ANKRD18B: variants seen among roughly 807,000 people sequenced by gnomAD.
ANKRD18B encodes the protein ankyrin repeat domain-containing protein 18B.
A neutral mutation model predicts 111.8 loss-of-function variants in ANKRD18B; 75 were observed. The ratio of observed to expected loss-of-function variants is 0.67; its 90% CI spans 0.56 to 0.81. The LOEUF is 0.81. ANKRD18B is among the 40% of genes least tolerant of loss of function. The probability of loss-of-function intolerance (pLI) is 0.00; values close to 1 mark genes in which losing one functional copy is unlikely to be tolerated. For synonymous variants in ANKRD18B, 356 were observed against 417.3 expected (o/e 0.85, Z 1.79); for missense variants, 1,038 against 1,225.5 (o/e 0.85, Z 2.28).
In ANKRD18B at chr9:33,548,769, G is replaced by C. The variant is rs1828404306; in HGVS notation, c.1981G>C (p.Glu661Gln). The change falls in exon 11 of 19, where the codon GAA becomes CAA. Residue 661 changes from glutamate to glutamine, a missense_variant. By Grantham distance (29) the Glu-to-Gln change is conservative. This residue lies in a region of ANKRD18B where 524 missense variants were observed against 677.9 expected (regional missense o/e 0.77). Coordinates refer to ENST00000684830, the MANE Select transcript of ANKRD18B (RefSeq NM_001393611.1). ...TGAGAATGGAAAGGAAGATCTTCTAGAAGAAAGAAATAAGGAATTAATGAA... is the reference window on the plus strand; with the variant it reads ...TGAGAATGGAAAGGAAGATCTTCTACAAGAAAGAAATAAGGAATTAATGAA... Reference protein sequence around the residue: ...CLENGKEDLLEERNKELMNEY... With the variant: ...CLENGKEDLLQERNKELMNEY... The C allele has an allele frequency of 6.5e-7, 1 of 1,548,496 alleles. No homozygotes were observed.
intron 3 of ANKRD18B, 134 bp downstream of exon 3, chr9:33,529,307 A>T: frequency 7.6e-7 from 1 of 1,307,334 alleles, no homozygotes; most frequent in Admixed American, 3.0e-5. Flanking sequence ...CTAAAATTTT[A>T]CTTTAAATGT....
rs552521621 is a variant in ANKRD18B at position 33,527,370 on chromosome 9, G to A, written c.207-1357G>A. ...AGAGTCTCACTCTGTCGCCTAGGCT[G>A]GAGTGCAGTGGCGTGATCTCAGCTC... On this transcript the variant is annotated intron_variant, in intron 1 of 18. Coordinates refer to ENST00000684830, the MANE Select transcript of ANKRD18B (RefSeq NM_001393611.1). 9.2e-5 allele frequency among the ~76,000 whole-genome samples: 14 copies of A among 152,064 alleles called. No homozygotes were observed. The East Asian group carries it at 2.7e-3, about 29-fold the overall frequency.
chr9:33,560,625 G>T (rs764927883), intron 14 of ANKRD18B, among the ~76,000 whole-genome samples: 1 of 152,188 alleles, frequency 6.6e-6, no homozygotes, highest in Non-Finnish European at 1.5e-5. Context: ...TTCATGAGGT[G>T]ATGGACCTTT....
intron 7 of ANKRD18B, among the ~76,000 whole-genome samples, chr9:33,539,738 C>G (rs1020924060): frequency 6.6e-6 from 1 of 151,916 alleles, no homozygotes; most frequent in Non-Finnish European, 1.5e-5. Context: ...AGATCTTATC[C>G]TGTAGGCCAG....
intron 9 of ANKRD18B, 32 bp downstream of exon 9, chr9:33,541,259 A>G (rs1828275414): frequency 3.9e-6 from 6 of 1,527,146 alleles, no homozygotes; most frequent in Admixed American, 2.2e-5. Context: ...ACTCTTAACC[A>G]TGTAAAGAGA....
intron 10 of ANKRD18B, among the ~76,000 whole-genome samples, chr9:33,545,762 A>C (rs1464348991): frequency 6.6e-6 from 1 of 152,190 alleles, no homozygotes; most frequent in African/African-American, 2.4e-5. Flanking sequence ...AGAGTTCCTG[A>C]CTTTGAAGAA....
chr9:33,524,272 G>C lies in ANKRD18B; in HGVS notation c.-218G>C. The C allele has an allele frequency of 5.7e-6, 7 of 1,237,760 alleles. No homozygotes were observed. The highest frequency in any genetic ancestry group is 7.3e-6 in the Non-Finnish European group (7 of 962,332). 76.7% of individuals were successfully genotyped at this position (1,237,760 alleles called of 1,614,324 possible). On this transcript the variant is annotated 5_prime_UTR_variant, in exon 1 of 19. Transcript: ENST00000684830. ...CTTTACTGGGCTCACTCTATCGAGA[G>C]GTCGGAGGCTGCGAGTGTCGCTGCT...
intron 14 of ANKRD18B, among the ~76,000 whole-genome samples, chr9:33,560,253 T>C (rs1446708774): frequency 6.6e-6 from 1 of 151,874 alleles, no homozygotes; most frequent in Non-Finnish European, 1.5e-5. Flanking sequence ...AAGAGAGGGG[T>C]CCTGCAAACA....
chr9:33,572,541 A>G lies in ANKRD18B; in HGVS notation c.*107A>G, dbSNP rs1828796702. 7.4e-7 allele frequency: 1 copy of G among 1,350,162 alleles called. No homozygotes were observed. Among genetic ancestry groups the G allele is most frequent in the Non-Finnish European group, 9.6e-7 (1 of 1,041,000 alleles). 83.6% of individuals were successfully genotyped at this position (1,350,162 alleles called of 1,614,324 possible). On this transcript the variant is annotated 3_prime_UTR_variant, in exon 19 of 19. Transcript: ENST00000684830. ...CTAAAGTAGAATATTTTCATATCATATGATGTATATTTATATGTTATTTTA... is the reference window on the plus strand; with the variant it reads ...CTAAAGTAGAATATTTTCATATCATGTGATGTATATTTATATGTTATTTTA...
intron 3 of ANKRD18B, among the ~76,000 whole-genome samples, chr9:33,532,616 A>G (rs1291170008): frequency 3.3e-5 from 5 of 152,206 alleles, no homozygotes; most frequent in African/African-American, 4.8e-5. Flanking sequence ...GTATTTAATA[A>G]TAAGGAAAAT....
In ANKRD18B at chr9:33,547,855, T is replaced by C. The variant is rs952143476; in HGVS notation, c.1150-83T>C. On this transcript the variant is annotated intron_variant, in intron 10 of 18. Coordinates refer to ENST00000684830, the MANE Select transcript of ANKRD18B (RefSeq NM_001393611.1). ...TTACAGCAACTTTTAATTGCATGAA[T>C]GTATAGGTTGCTCTTTCACTTCAGA... 15 of 980,914 alleles carry C rather than the reference T, an allele frequency of 1.5e-5. No individual in the cohort carries two copies. The African/African-American group carries it at 2.5e-4, about 17-fold the overall frequency. 60.8% of individuals were successfully genotyped at this position (980,914 alleles called of 1,614,324 possible).
chr9:33,536,374 T>C (rs1182723957), intron 5 of ANKRD18B, among the ~76,000 whole-genome samples: 2 of 152,202 alleles, frequency 1.3e-5, no homozygotes, highest in African/African-American at 2.4e-5. Flanking sequence ...GGAAAAACAC[T>C]CATCAGGTTT....
intron 17 of ANKRD18B, 36 bp from the exon 18 acceptor site, chr9:33,571,210 A>G: frequency 1.1e-6 from 1 of 870,446 alleles, no homozygotes; most frequent in South Asian, 4.1e-5. Context: ...TGTTTAACTT[A>G]AACATTATTA....
intron 6 of ANKRD18B, among the ~76,000 whole-genome samples, chr9:33,538,247 T>C (rs1411889812): frequency 6.6e-6 from 1 of 152,240 alleles, no homozygotes; most frequent in Admixed American, 6.5e-5. Context: ...AGATAGCTAC[T>C]GAATGCAGAA....
Position 33,531,375 on chromosome 9 carries a change from T to C in ANKRD18B, c.496-2064T>C, listed in dbSNP as rs370256212. On this transcript the variant is annotated intron_variant, in intron 3 of 18. Coordinates refer to ENST00000684830, the MANE Select transcript of ANKRD18B (RefSeq NM_001393611.1). ...ACACAATCATTTAGCAACACATTCA[T>C]AGCAAATATAAAAACACAAGAGCTA... Among the ~76,000 whole-genome samples, 1,504 of 151,330 alleles carry C rather than the reference T, an allele frequency of 9.9e-3. 8 individuals carry two copies. Among genetic ancestry groups the C allele is most frequent in the South Asian group, 0.017 (83 of 4,772 alleles).
intron 10 of ANKRD18B, among the ~76,000 whole-genome samples, chr9:33,546,504 A>T (rs1485354763): frequency 6.6e-6 from 1 of 152,068 alleles, no homozygotes; most frequent in African/African-American, 2.4e-5. Context: ...TTAGCATTTG[A>T]CTCTATAGTA....
chr9:33,569,559 C>G (rs775351881), intron 17 of ANKRD18B, among the ~76,000 whole-genome samples: 1 of 151,908 alleles, frequency 6.6e-6, no homozygotes, highest in Non-Finnish European at 1.5e-5. Context: ...TGTGCCCAGC[C>G]CATACTATTT....
intron 10 of ANKRD18B, among the ~76,000 whole-genome samples, chr9:33,546,248 CT>C (rs1202349985): frequency 6.6e-6 from 1 of 152,174 alleles, no homozygotes; most frequent in Non-Finnish European, 1.5e-5. Context: ...CCAAACCAGT[CT>C]GTTTAATATG....
intron 14 of ANKRD18B, among the ~76,000 whole-genome samples, chr9:33,559,535 A>C (rs1431441601): frequency 1.3e-5 from 2 of 152,166 alleles, no homozygotes; most frequent in Non-Finnish European, 2.9e-5. Flanking sequence ...GACCCTTTAG[A>C]TAGAAATTGG....
Sources: allele counts gnomAD v4.1 joint callset (sites outside exome capture counted in the v4.1 genomes callset), GRCh38; gene constraint gnomAD v4.1.1; regional missense constraint gnomAD v4.1.1; transcripts MANE v1.5; gene names NCBI Gene and HGNC (gene_info 2026-07-23, HGNC 2026-07-21).